DAB2IP: variants seen among roughly 807,000 people sequenced by gnomAD.
DAB2IP encodes disabled homolog 2-interacting protein.
Under a neutral mutation model 107.2 loss-of-function variants are expected in DAB2IP, and 28 were observed. That is an observed-to-expected ratio of 0.26 (90% confidence interval 0.19 to 0.36). DAB2IP has a LOEUF of 0.36. Among genes scored for constraint, DAB2IP ranks in the 10% least tolerant of loss-of-function variants. The probability of loss-of-function intolerance (pLI) is 1.00; values close to 1 mark genes in which losing one functional copy is unlikely to be tolerated. For missense variants in DAB2IP, 1,400 were observed against 1,644.7 expected, an observed-to-expected ratio of 0.85 and a Z score of 2.57; for synonymous variants, 755 against 706.4, an observed-to-expected ratio of 1.07 and a Z score of -1.09.
intron 6 of DAB2IP, among the ~76,000 whole-genome samples, chr9:121,761,918 G>GCTGGGGCTGGC (rs1833924028): frequency 6.6e-6 from 1 of 152,178 alleles, no homozygotes. Flanking sequence ...CCAGGGCTGG[G>GCTGGGGCTGGC]CTGGGGCTGG....
chr9:121,687,894 C>A (rs760581228), intron 2 of DAB2IP, among the ~76,000 whole-genome samples: 1 of 152,186 alleles, frequency 6.6e-6, no homozygotes, highest in Admixed American at 6.5e-5. Flanking sequence ...CTTCATCTTA[C>A]GGACGAGGAT....
intron 1 of DAB2IP, among the ~76,000 whole-genome samples, chr9:121,642,295 C>T (rs1053132229): frequency 2.0e-5 from 3 of 151,174 alleles, no homozygotes; most frequent in Non-Finnish European, 4.4e-5. Flanking sequence ...GGCTGGAGTG[C>T]AGTCGTGCAA....
intron 3 of DAB2IP, chr9:121,737,409 GAC>G (rs1564189477): frequency 5.3e-5 from 52 of 985,358 alleles, no homozygotes; most frequent in Admixed American, 6.1e-5. Flanking sequence ...CAGCTTGGAA[GAC>G]ACAGATTCAG....
chr9:121,594,235 ATT>A (rs772152487), intron 1 of DAB2IP, among the ~76,000 whole-genome samples: 40 of 131,054 alleles, frequency 3.1e-4, no homozygotes, highest in Non-Finnish European at 3.0e-4. Flanking sequence ...TGAATGCAGC[ATT>A]TTTTTTTTTT....
At chr9:121,597,238 G>GT (rs977302496) in intron 1 of DAB2IP, among the ~76,000 whole-genome samples, 227 of 152,116 alleles carry the variant, frequency 1.5e-3, no homozygotes, top group African/African-American at 5.0e-3. Flanking sequence ...ACTATTATGA[G>GT]TTTTTTTTGT....
chr9:121,717,699 C>T lies in DAB2IP; in HGVS notation c.362+18241C>T, dbSNP rs148114876. On this transcript the variant is annotated intron_variant, in intron 3 of 15. Coordinates refer to ENST00000408936, the Ensembl canonical transcript of DAB2IP. Reference sequence around the variant, plus strand: ...ACATGCCGGGCACTGAGAGGAGGCCCGGGTGAGAGTCTGGTCAGGGTCCTG... The same window carrying T: ...ACATGCCGGGCACTGAGAGGAGGCCTGGGTGAGAGTCTGGTCAGGGTCCTG... 3.7e-3 allele frequency among the ~76,000 whole-genome samples: 562 copies of T among 152,298 alleles called. 4 individuals are homozygous for T. Among genetic ancestry groups the T allele is most frequent in the African/African-American group, 0.013 (521 of 41,564 alleles).
chr9:121,680,196 T>G (rs1828511697), intron 2 of DAB2IP, among the ~76,000 whole-genome samples: 2 of 152,066 alleles, frequency 1.3e-5, no homozygotes, highest in Admixed American at 6.5e-5. Flanking sequence ...CCTGGCCGAG[T>G]CAAGGTCACG....
At position 121,678,681 on chromosome 9, in the gene DAB2IP, C is replaced by T. The variant is rs377594976; in HGVS notation, c.128C>T (p.Ser43Leu). ...CTCTCTCCTCCTCTGTTGGCAGAGTCGCCTCAAGAAAGGCCGGGCTCTCGG... is the reference window on the plus strand; with the variant it reads ...CTCTCTCCTCCTCTGTTGGCAGAGTTGCCTCAAGAAAGGCCGGGCTCTCGG... The change falls in exon 2 of 16, where the codon TCG becomes TTG. Residue 43 changes from serine (S) to leucine (L), a missense_variant. By Grantham distance (145) the Ser-to-Leu change is moderately radical. Coordinates refer to ENST00000408936, the Ensembl canonical transcript of DAB2IP. 3.3e-4 allele frequency: 508 copies of T among 1,558,022 alleles called. 3 individuals carry two copies. The highest frequency in any genetic ancestry group is 2.9e-3 in the South Asian group (248 of 84,358).
At chr9:121,771,783 G>A (rs1456942714) in intron 11 of DAB2IP, among the ~76,000 whole-genome samples, 1 of 152,086 alleles carries the variant, frequency 6.6e-6, no homozygotes. Flanking sequence ...CCATCTCAGG[G>A]AGTGGCACTT....
At chr9:121,663,902 T>C (rs1439983283) in intron 1 of DAB2IP, among the ~76,000 whole-genome samples, 5 of 152,248 alleles carry the variant, frequency 3.3e-5, no homozygotes, top group Non-Finnish European at 7.3e-5. Flanking sequence ...TTCAGAGATA[T>C]CCGGGCTTGA....
At chr9:121,575,813 G>C (rs1422969403) in intron 1 of DAB2IP, among the ~76,000 whole-genome samples, 1 of 152,158 alleles carries the variant, frequency 6.6e-6, no homozygotes, top group Non-Finnish European at 1.5e-5. Flanking sequence ...CAGAGCTGTG[G>C]TCCTCCCAGC....
chr9:121,631,987 G>A (rs1413943782), intron 1 of DAB2IP, among the ~76,000 whole-genome samples: 1 of 152,114 alleles, frequency 6.6e-6, no homozygotes, highest in Non-Finnish European at 1.5e-5. Context: ...GGCCATCGTT[G>A]ACACCTTGCA....
At chr9:121,743,616 G>A (rs1311709144) in intron 3 of DAB2IP, among the ~76,000 whole-genome samples, 2 of 152,186 alleles carry the variant, frequency 1.3e-5, no homozygotes, top group Non-Finnish European at 2.9e-5. Context: ...TGGGATCAGG[G>A]CGGGGCTAGG....
At chr9:121,567,356 G>C in intron 1 of DAB2IP, 1 of 1,406,518 alleles carries the variant, frequency 7.1e-7, no homozygotes, top group African/African-American at 1.4e-5. Context: ...TCTGGTCTTG[G>C]GACCCATGGG....
intron 1 of DAB2IP, among the ~76,000 whole-genome samples, chr9:121,594,677 AT>A (rs1830491608): frequency 6.6e-6 from 1 of 152,120 alleles, no homozygotes; most frequent in African/African-American, 2.4e-5. Flanking sequence ...CCTTTTCTTC[AT>A]TCAATAAACC....
At position 121,736,571 on chromosome 9, in the gene DAB2IP, G is replaced by T. The variant is rs1439832816; in HGVS notation, c.363-20442G>T. 6.6e-6 allele frequency among the ~76,000 whole-genome samples: 1 copy of T among 150,802 alleles called. No individual in the cohort carries two copies. Among genetic ancestry groups the T allele is most frequent in the African/African-American group, 2.4e-5 (1 of 40,978 alleles). ...GGGGGCGGGTGGGAGGGCCCGGAGGGCTGGGGCTGGGGCGGGCCGCTTCCG... is the reference window on the plus strand; with the variant it reads ...GGGGGCGGGTGGGAGGGCCCGGAGGTCTGGGGCTGGGGCGGGCCGCTTCCG... On this transcript the variant is annotated intron_variant, in intron 3 of 15. Coordinates refer to ENST00000408936, the Ensembl canonical transcript of DAB2IP. The surrounding 1 kb of genome is among the most constrained non-coding windows in gnomAD (Gnocchi z 4.6).
chr9:121,590,010 G>A (rs1249959320), intron 1 of DAB2IP, among the ~76,000 whole-genome samples: 3 of 133,982 alleles, frequency 2.2e-5, no homozygotes, highest in Non-Finnish European at 3.1e-5. Context: ...GAGAAACTGC[G>A]GAGGTGGAAT....
At chr9:121,749,085 T>C (rs1190901443) in intron 3 of DAB2IP, among the ~76,000 whole-genome samples, 1 of 152,174 alleles carries the variant, frequency 6.6e-6, no homozygotes, top group Non-Finnish European at 1.5e-5. Flanking sequence ...TAGGACAGGC[T>C]CTGTCTCCCC....
intron 3 of DAB2IP, among the ~76,000 whole-genome samples, chr9:121,748,188 T>G (rs1832847847): frequency 6.6e-6 from 1 of 152,174 alleles, no homozygotes; most frequent in African/African-American, 2.4e-5. Context: ...TAGCTCAGCG[T>G]GTGAGGAAAT....
Sources: gnomAD v4.1 joint callset for allele counts (sites outside exome capture counted in the v4.1 genomes callset) on GRCh38, gnomAD v4.1.1 for gene constraint, Gnocchi (gnomAD v3.1) non-coding constraint, MANE v1.5 for transcripts, NCBI Gene and HGNC (gene_info 2026-07-23, HGNC 2026-07-21) for gene names.